The following GABRG3 variants were observed in gnomAD, a reference collection of about 807,000 sequenced individuals.
GABRG3 encodes gamma-aminobutyric acid type A receptor subunit gamma3, also known as gamma-aminobutyric acid receptor subunit gamma-3.
A neutral mutation model predicts 48.8 loss-of-function variants in GABRG3; 25 were observed. That is an observed-to-expected ratio of 0.51 (90% CI 0.37 to 0.72). The LOEUF is 0.72. Ranked by LOEUF, GABRG3 falls within the 30% of genes least tolerant of loss-of-function variation. The probability of loss-of-function intolerance (pLI) is 0.00; values close to 1 mark genes in which losing one functional copy is unlikely to be tolerated. For missense variants in GABRG3, 394 were observed against 577.9 expected (o/e 0.68, Z 3.26); for synonymous variants, 227 against 217.6 (o/e 1.04, Z -0.38).
chr15:27,309,004 T>A (rs1892888043), intron 3 of GABRG3, among the ~76,000 whole-genome samples: 1 of 150,522 alleles, frequency 6.6e-6, no homozygotes, highest in South Asian at 2.1e-4. Flanking sequence ...ACATATAATG[T>A]AAAAATATAT....
chr15:27,470,042 T>C (rs1889737279), intron 5 of GABRG3, among the ~76,000 whole-genome samples: 1 of 152,152 alleles, frequency 6.6e-6, no homozygotes, highest in Non-Finnish European at 1.5e-5. Flanking sequence ...GTTAGTGGTT[T>C]GTTTATTGAA....
intron 3 of GABRG3, among the ~76,000 whole-genome samples, chr15:27,243,233 A>G (rs1200401389): frequency 6.6e-6 from 1 of 152,204 alleles, no homozygotes; most frequent in African/African-American, 2.4e-5. Flanking sequence ...TTTTCCATGT[A>G]GATGCAAGAA....
At chr15:27,111,324 A>G (rs1011826862) in intron 3 of GABRG3, among the ~76,000 whole-genome samples, 2 of 152,126 alleles carry the variant, frequency 1.3e-5, no homozygotes, top group African/African-American at 2.4e-5. Context: ...TAGCATAATC[A>G]TAGTTACTTC....
chr15:27,037,256 G>A (rs1462736120), intron 3 of GABRG3, among the ~76,000 whole-genome samples: 1 of 152,212 alleles, frequency 6.6e-6, no homozygotes, highest in East Asian at 1.9e-4. Context: ...TACCGTAGCA[G>A]CCCAGCACTA....
rs747552364 is a variant in GABRG3 at position 27,540,571 on chromosome 15, A to G, written c.*7690A>G. 2 of 152,212 alleles carry G rather than the reference A, an allele frequency of 1.3e-5. No individual in the cohort carries two copies. Among genetic ancestry groups the G allele is most frequent in the Non-Finnish European group, 2.9e-5 (2 of 68,044 alleles). The allele number at this position is 152,212 out of a possible 1,614,324, so 9.4% of individuals were successfully genotyped here. The stretch of plus-strand genomic sequence containing the variant: ...TCTGTTTAGAATAACTATTTTATTA[A>G]AACAGTCTAAAAGACACTGTCCATC... On this transcript the variant is annotated 3_prime_UTR_variant, in exon 10 of 10. Coordinates refer to ENST00000615808, the MANE Select transcript of GABRG3 (RefSeq NM_033223.5).
intron 5 of GABRG3, among the ~76,000 whole-genome samples, chr15:27,405,853 G>GA (rs1555378543): frequency 1.3e-5 from 2 of 151,878 alleles, no homozygotes; most frequent in African/African-American, 4.8e-5. Context: ...CTAGGACTGG[G>GA]GGAGGGAATA....
At chr15:27,388,341 T>A (rs143386526) in intron 5 of GABRG3, among the ~76,000 whole-genome samples, 1,397 of 9,296 alleles carry the variant, frequency 0.15, 157 homozygotes, top group Middle Eastern at 0.25. Context: ...GAAGGAAAGG[T>A]GGGAGGGAGG....
At chr15:27,122,671 G>T (rs980017323) in intron 3 of GABRG3, among the ~76,000 whole-genome samples, 5 of 152,218 alleles carry the variant, frequency 3.3e-5, no homozygotes, top group South Asian at 2.1e-4. Context: ...TCACTGCACT[G>T]CTCGCAAGGC....
At position 26,975,310 on chromosome 15, in the gene GABRG3, C is replaced by G. The variant is rs925854162; in HGVS notation, c.54-1692C>G. On this transcript the variant is annotated intron_variant, in intron 1 of 9. Transcript: ENST00000615808. This position sits in a 1 kb window ranked among gnomAD's most constrained non-coding sequence, Gnocchi z 4.6. ...CCCACATTTAAAAATTCCTATCGAT[C>G]GTGAATATCCAATGTGCATAAAAAT... 6.6e-6 allele frequency among the ~76,000 whole-genome samples: 1 copy of G among 152,124 alleles called. No homozygotes were observed. The highest frequency in any genetic ancestry group is 1.5e-5 in the Non-Finnish European group (1 of 68,026).
chr15:27,532,532 C>A, intron 9 of GABRG3, 68 bp from the exon 10 acceptor site: 1 of 1,471,934 alleles, frequency 6.8e-7, no homozygotes. Context: ...GGACCTACTG[C>A]TTCATACACC....
At chr15:27,400,273 A>G (rs1275089212) in intron 5 of GABRG3, among the ~76,000 whole-genome samples, 1 of 152,212 alleles carries the variant, frequency 6.6e-6, no homozygotes, top group Non-Finnish European at 1.5e-5. Context: ...CTATGTTGTG[A>G]GAATAAATAA....
intron 3 of GABRG3, among the ~76,000 whole-genome samples, chr15:27,253,070 C>T (rs1166750469): frequency 6.6e-6 from 1 of 152,194 alleles, no homozygotes; most frequent in Admixed American, 6.5e-5. Flanking sequence ...ATCGATGCTG[C>T]CTATGGCAGG....
intron 2 of GABRG3, among the ~76,000 whole-genome samples, chr15:27,008,436 A>C (rs1462247759): frequency 6.6e-6 from 1 of 152,218 alleles, no homozygotes; most frequent in African/African-American, 2.4e-5. Context: ...CCAAAAATAG[A>C]TGAACAGTTC....
chr15:27,449,383 T>A (rs74006948), intron 5 of GABRG3, among the ~76,000 whole-genome samples: 1 of 152,082 alleles, frequency 6.6e-6, no homozygotes, highest in Non-Finnish European at 1.5e-5. Context: ...GAAGGTTTCC[T>A]TATCCTCTGA....
At chr15:27,376,571 C>G (rs994685325) in intron 5 of GABRG3, among the ~76,000 whole-genome samples, 4 of 152,206 alleles carry the variant, frequency 2.6e-5, no homozygotes, top group African/African-American at 9.7e-5. Flanking sequence ...CCCTCACAGG[C>G]TCAACACCAC....
At chr15:27,512,062 C>A (rs561317334) in intron 6 of GABRG3, among the ~76,000 whole-genome samples, 1 of 152,074 alleles carries the variant, frequency 6.6e-6, no homozygotes, top group Non-Finnish European at 1.5e-5. Flanking sequence ...GTCCAAGCCA[C>A]GCTCTTAGTA....
At chr15:27,306,636 A>ATATATAAACATATATATGAACATG (rs1161172062) in intron 3 of GABRG3, among the ~76,000 whole-genome samples, 1 of 88,456 alleles carries the variant, frequency 1.1e-5, no homozygotes, top group East Asian at 2.4e-4. Context: ...ATAAACATAT[A>ATATATAAACATATATATGAACATG]TTTATATATA....
chr15:27,158,534 AT>A (rs775447657), intron 3 of GABRG3: 11 of 152,318 alleles, frequency 7.2e-5, no homozygotes, highest in Middle Eastern at 3.4e-3. Flanking sequence ...ATTTTGTGCA[AT>A]TATAGCAGTA....
chr15:27,303,515 A>T (rs981637450), intron 3 of GABRG3, among the ~76,000 whole-genome samples: 2 of 151,736 alleles, frequency 1.3e-5, no homozygotes, highest in Admixed American at 1.3e-4. Flanking sequence ...AGGCCTAAAT[A>T]TGGTTTCACT....
Sources: allele counts gnomAD v4.1 joint callset (sites outside exome capture counted in the v4.1 genomes callset), GRCh38; gene constraint gnomAD v4.1.1; non-coding constraint Gnocchi (gnomAD v3.1); transcripts MANE v1.5; gene names NCBI Gene and HGNC (gene_info 2026-07-23, HGNC 2026-07-21).